The following LRRTM4 variants were observed in gnomAD, a reference collection of about 807,000 sequenced individuals.
The protein encoded by LRRTM4 is leucine-rich repeat transmembrane neuronal protein 4.
In LRRTM4, 25 loss-of-function variants were observed where a neutral mutation model predicts 47.6. That is an observed-to-expected ratio of 0.53 (90% CI 0.38 to 0.73). The LOEUF is 0.73. Ranked by LOEUF, LRRTM4 falls within the 30% of genes least tolerant of loss-of-function variation. The probability of loss-of-function intolerance (pLI) is 0.00; values close to 1 mark genes in which losing one functional copy is unlikely to be tolerated. For synonymous variants in LRRTM4, 311 were observed against 269.5 expected (o/e 1.15, Z -1.51); for missense variants, 638 against 713.4 (o/e 0.89, Z 1.20).
chr2:77,108,335 A>T (rs1341899109), intron 3 of LRRTM4, among the ~76,000 whole-genome samples: 3 of 152,070 alleles, frequency 2.0e-5, no homozygotes, highest in African/African-American at 4.8e-5. Flanking sequence ...GAACAAGAAG[A>T]AGTCATTGTA....
At chr2:76,897,737 C>T (rs1256773642) in intron 3 of LRRTM4, among the ~76,000 whole-genome samples, 1 of 152,102 alleles carries the variant, frequency 6.6e-6, no homozygotes, top group Non-Finnish European at 1.5e-5. Context: ...ATGCAATCTC[C>T]TTCAGTGACT....
intron 3 of LRRTM4, among the ~76,000 whole-genome samples, chr2:77,240,591 A>G (rs868194913): frequency 6.6e-6 from 1 of 151,962 alleles, no homozygotes; most frequent in African/African-American, 2.4e-5. Context: ...ATAAGACAAG[A>G]AAAAGAAATA....
chr2:77,212,869 A>T (rs1363977732), intron 3 of LRRTM4, among the ~76,000 whole-genome samples: 1 of 152,104 alleles, frequency 6.6e-6, no homozygotes, highest in African/African-American at 2.4e-5. Flanking sequence ...AGTTCTTGAA[A>T]CTAAGGAGAA....
At chr2:76,774,426 G>T (rs1175070189) in intron 3 of LRRTM4, among the ~76,000 whole-genome samples, 1 of 152,044 alleles carries the variant, frequency 6.6e-6, no homozygotes, top group Non-Finnish European at 1.5e-5. Context: ...TCCTGACCTC[G>T]TGATCTGCCT....
intron 3 of LRRTM4, among the ~76,000 whole-genome samples, chr2:77,497,480 T>C (rs11685687): frequency 6.6e-6 from 1 of 151,396 alleles, no homozygotes; most frequent in Non-Finnish European, 1.5e-5. Flanking sequence ...GCTATTGTTT[T>C]ATGGGACTCT....
chr2:76,814,926 G>T (rs1468644394), intron 3 of LRRTM4, among the ~76,000 whole-genome samples: 1 of 151,348 alleles, frequency 6.6e-6, no homozygotes, highest in Non-Finnish European at 1.5e-5. Flanking sequence ...ACAAATAAAA[G>T]AATATATGCA....
chr2:77,451,213 G>T (rs1253867712), intron 3 of LRRTM4, among the ~76,000 whole-genome samples: 1 of 152,096 alleles, frequency 6.6e-6, no homozygotes, highest in Non-Finnish European at 1.5e-5. Context: ...TTGAGTTTTT[G>T]AATGTATTCT....
chr2:76,891,733 T>C (rs1336306738), intron 3 of LRRTM4, among the ~76,000 whole-genome samples: 2 of 151,722 alleles, frequency 1.3e-5, no homozygotes, highest in African/African-American at 4.8e-5. Context: ...AAAAGATATC[T>C]AAACATACCA....
At chr2:76,973,441 G>A (rs1335280240) in intron 3 of LRRTM4, among the ~76,000 whole-genome samples, 2 of 151,896 alleles carry the variant, frequency 1.3e-5, no homozygotes, top group South Asian at 2.1e-4. Flanking sequence ...TAGAAAATAT[G>A]TGTTATATTT....
intron 3 of LRRTM4, among the ~76,000 whole-genome samples, chr2:77,437,263 C>T (rs1675638847): frequency 6.6e-6 from 1 of 151,980 alleles, no homozygotes; most frequent in East Asian, 1.9e-4. Context: ...GCTTATTAAA[C>T]ATACCATTCT....
intron 3 of LRRTM4, among the ~76,000 whole-genome samples, chr2:77,053,129 C>A (rs1328489357): frequency 1.3e-5 from 2 of 152,256 alleles, no homozygotes; most frequent in African/African-American, 2.4e-5. Flanking sequence ...GAAACCGTAA[C>A]TAGTAGACAA....
At chr2:76,998,758 C>A (rs1453928837) in intron 3 of LRRTM4, among the ~76,000 whole-genome samples, 1 of 147,844 alleles carries the variant, frequency 6.8e-6, no homozygotes. Flanking sequence ...AGTTTTTCCT[C>A]TATATTTTCT....
At chr2:76,900,320 G>C (rs1673580105) in intron 3 of LRRTM4, among the ~76,000 whole-genome samples, 1 of 144,240 alleles carries the variant, frequency 6.9e-6, no homozygotes, top group African/African-American at 2.6e-5. Flanking sequence ...GATATATATA[G>C]TTTTTTGTAG....
chr2:76,848,629 C>T (rs1020956630), intron 3 of LRRTM4, among the ~76,000 whole-genome samples: 4 of 151,786 alleles, frequency 2.6e-5, no homozygotes, highest in African/African-American at 9.7e-5. Flanking sequence ...GAATTTATTG[C>T]TATTATCATT....
intron 3 of LRRTM4, among the ~76,000 whole-genome samples, chr2:77,500,322 G>T (rs1219679008): frequency 1.3e-5 from 2 of 151,580 alleles, no homozygotes; most frequent in Non-Finnish European, 3.0e-5. Flanking sequence ...AACAATGGAT[G>T]GTGTTCAGGG....
intron 3 of LRRTM4, among the ~76,000 whole-genome samples, chr2:76,980,557 C>A (rs903492294): frequency 2.0e-5 from 3 of 152,020 alleles, no homozygotes; most frequent in African/African-American, 7.2e-5. Context: ...GCCACTCTCA[C>A]AGAAGACAAG....
At chr2:77,062,833 A>T (rs1679831035) in intron 3 of LRRTM4, among the ~76,000 whole-genome samples, 1 of 152,218 alleles carries the variant, frequency 6.6e-6, no homozygotes, top group Non-Finnish European at 1.5e-5. Flanking sequence ...TCTGCAGTAC[A>T]GATGCAGGAT....
In LRRTM4 at chr2:77,499,362, G is replaced by A. The variant is rs576765765; in HGVS notation, c.1551+18956C>T. Among the ~76,000 whole-genome samples the A allele has an allele frequency of 8.6e-5, 13 of 152,016 alleles. No homozygotes were observed. In the East Asian group the frequency reaches 1.4e-3, roughly 16 times the overall value. On this transcript the variant is annotated intron_variant, in intron 3 of 3. Coordinates refer to ENST00000409884, the MANE Select transcript of LRRTM4 (RefSeq NM_001134745.3). ...AAATGTGTCAATGGGAAGAAGAACT[G>A]CCTTAGCATTCTAAGTCCCTGAGGT...
intron 3 of LRRTM4, among the ~76,000 whole-genome samples, chr2:76,936,955 A>C (rs1280383779): frequency 1.7e-5 from 1 of 59,442 alleles, no homozygotes; most frequent in Admixed American, 2.5e-4. Context: ...ACTCCATCTC[A>C]AAAAAAAAAA....
Sources: allele counts gnomAD v4.1 joint callset (sites outside exome capture counted in the v4.1 genomes callset), GRCh38; gene constraint gnomAD v4.1.1; transcripts MANE v1.5; gene names NCBI Gene and HGNC (gene_info 2026-07-23, HGNC 2026-07-21).